Variants in TRIP12 observed in about 807,000 individuals in gnomAD.
The protein encoded by TRIP12 is thyroid hormone receptor interactor 12, also known as E3 ubiquitin-protein ligase TRIP12.
In TRIP12, 25 loss-of-function variants were observed where a neutral mutation model predicts 244.2. The ratio of observed to expected loss-of-function variants is 0.10; its 90% confidence interval spans 0.07 to 0.14. The LOEUF is 0.14. Among genes scored for constraint, TRIP12 ranks in the 10% least tolerant of loss-of-function variants. The pLI is 1.00. For missense variants in TRIP12, 1,677 were observed against 2,486.4 expected (o/e 0.67, Z 6.92); for synonymous variants, 905 against 873.1 (o/e 1.04, Z -0.64).
At chr2:229,810,615 C>T (rs1349476769) in intron 15 of TRIP12, among the ~76,000 whole-genome samples, 1 of 152,162 alleles carries the variant, frequency 6.6e-6, no homozygotes, top group Non-Finnish European at 1.5e-5. Context: ...GGTTACATGA[C>T]TAACATGGCA....
chr2:229,920,520 A>T (rs2076303348), intron 1 of TRIP12, among the ~76,000 whole-genome samples: 1 of 151,720 alleles, frequency 6.6e-6, no homozygotes, highest in South Asian at 2.1e-4. Flanking sequence ...TCCCCCAATT[A>T]ACTAAAGAAG....
rs923481504 is a variant in TRIP12, at chr2:229,804,057, T to C, written c.2821A>G (p.Ile941Val). The change falls in exon 19 of 42, where the codon ATT becomes GTT. Residue 941 changes from isoleucine (I) to valine (V), a missense_variant. Ile to Val is a conservative substitution (Grantham distance 29). This residue lies in a region of TRIP12 where 572 missense variants were observed against 867.8 expected (regional missense o/e 0.66). Coordinates refer to ENST00000675903, the MANE Select transcript of TRIP12 (RefSeq NM_001348323.3). ...AGAAGTTCAGCATCCGCAAAATAAA[T>C]TATCCTAAGAATTGCTCTAAGGCAC... is the stretch of plus-strand genomic sequence containing the variant. ...HKCLRAILRI[I>V]YFADAELLKD... The C allele has an allele frequency of 4.3e-6, 7 of 1,613,954 alleles. No individual in the cohort carries two copies. The highest frequency in any genetic ancestry group is 5.1e-6 in the Non-Finnish European group (6 of 1,179,986).
intron 11 of TRIP12, 103 bp from the exon 12 acceptor site, chr2:229,814,428 C>CT (rs1393495607): frequency 4.5e-5 from 49 of 1,098,956 alleles, no homozygotes; most frequent in Admixed American, 3.4e-4. Flanking sequence ...TATACTATCT[C>CT]TAACATGTAA....
intron 2 of TRIP12, among the ~76,000 whole-genome samples, chr2:229,861,479 T>C (rs1014612285): frequency 6.6e-6 from 1 of 152,158 alleles, no homozygotes; most frequent in African/African-American, 2.4e-5. Flanking sequence ...TAAGAGCATA[T>C]ACCAATGAAA....
intron 39 of TRIP12, 148 bp downstream of exon 39, chr2:229,771,371 T>C (rs555664759): frequency 3.4e-4 from 200 of 595,874 alleles, no homozygotes; most frequent in Non-Finnish European, 4.6e-4. Flanking sequence ...CTCAGGCAAT[T>C]TCCTTGTCTT....
Position 229,807,776 on chromosome 2 carries a change from T to C in TRIP12, c.2428A>G (p.Ile810Val), listed in dbSNP as rs934780847. The C allele has an allele frequency of 3.1e-6, 5 of 1,614,170 alleles. No homozygotes were observed. The Admixed American group carries it at 8.3e-5, about 27-fold the overall frequency. ...KGNAQNTDGA[I>V]WQWRDDRGLW... ...CCCCGATCATCACGCCACTGCCATA[T>C]CGCACCATCTGTGTTCTGTGCATTT... Residue 810 changes from isoleucine (I) to valine (V), a missense_variant, in exon 17 of 42, where the codon ATA (isoleucine) becomes GTA (valine). Physicochemically the swap from Ile to Val is conservative, Grantham distance 29 (BLOSUM62 3). This residue lies in a region of TRIP12 where 572 missense variants were observed against 867.8 expected (regional missense o/e 0.66). Coordinates refer to ENST00000675903, the MANE Select transcript of TRIP12 (RefSeq NM_001348323.3).
chr2:229,875,803 A>C (rs1189757799), intron 2 of TRIP12, among the ~76,000 whole-genome samples: 1 of 152,218 alleles, frequency 6.6e-6, no homozygotes, highest in Admixed American at 6.5e-5. Context: ...CAGGAAACGA[A>C]GGCTACAATG....
Position 229,775,797 on chromosome 2 carries a change from T to C in TRIP12, c.5529+1518A>G, listed in dbSNP as rs1171601240. Among the ~76,000 whole-genome samples, 4 of 151,984 alleles carry C rather than the reference T, an allele frequency of 2.6e-5. No homozygotes were observed. In the South Asian group the frequency reaches 8.3e-4, roughly 32 times the overall value. The stretch of plus-strand genomic sequence containing the variant: ...TGCCCCCATCTGTATATATACTTTA[T>C]TAAAGAAACAGGATGTGGTTTTTCA... On this transcript the variant is annotated intron_variant, in intron 37 of 41. Coordinates refer to ENST00000675903, the MANE Select transcript of TRIP12 (RefSeq NM_001348323.3).
intron 1 of TRIP12, among the ~76,000 whole-genome samples, chr2:229,902,827 G>A (rs1353825790): frequency 1.3e-5 from 2 of 152,140 alleles, no homozygotes; most frequent in Non-Finnish European, 2.9e-5. Context: ...AATAGAGCAT[G>A]CATAATCATT....
At chr2:229,806,931 T>C (rs1001425767) in intron 17 of TRIP12, among the ~76,000 whole-genome samples, 3 of 152,226 alleles carry the variant, frequency 2.0e-5, no homozygotes, top group African/African-American at 7.2e-5. Flanking sequence ...GTCTCATGTA[T>C]TGAAAATAGT....
intron 9 of TRIP12, among the ~76,000 whole-genome samples, chr2:229,816,562 TA>T: frequency 6.6e-6 from 1 of 152,256 alleles, no homozygotes; most frequent in South Asian, 2.1e-4. Context: ...TCAACTGTGA[TA>T]AAAGATATAT....
intron 1 of TRIP12, among the ~76,000 whole-genome samples, chr2:229,888,128 C>G (rs186358996): frequency 1.3e-5 from 2 of 152,274 alleles, no homozygotes; most frequent in Admixed American, 6.5e-5. Context: ...ATGCTTTTAA[C>G]TTTAGAAAAT....
Position 229,808,362 on chromosome 2 carries a change from T to C in TRIP12, c.2229A>G (p.Ala743=), listed in dbSNP as rs1245564719. 8.1e-6 allele frequency: 13 copies of C among 1,610,922 alleles called. No homozygotes were observed. The Admixed American group carries it at 2.0e-4, about 25-fold the overall frequency. ...LAVQLMKQNI[A]ETLHFLLCGA... The stretch of plus-strand genomic sequence containing the variant: ...CACACAGGAGAAAGTGAAGCGTTTC[T>C]GCAATGTCTGTAAAAACCAACAACA... The change falls in exon 16 of 42, where the codon GCA becomes GCG. Residue 743 remains alanine (A), a synonymous_variant. Transcript: ENST00000675903.
At chr2:229,889,911 T>TTA (rs1426056479) in intron 1 of TRIP12, among the ~76,000 whole-genome samples, 1 of 152,160 alleles carries the variant, frequency 6.6e-6, no homozygotes, top group East Asian at 1.9e-4. Context: ...ACCCTGTAGA[T>TTA]TACAGCAAAG....
rs200227486 is a variant in TRIP12, at chr2:229,859,562, T to A, written c.237A>T (p.Ser79=). ...GTTGTGGAACTATCACAGCAGATGA[T>A]GAACTGCAGCTTCTAAGAGGTTAGA... is the stretch of plus-strand genomic sequence containing the variant. ...RGHLSKRSCS[S]SSAVIVPQPE... is the part of the protein sequence containing the mutation. The change falls in exon 4 of 42, where the codon TCA becomes TCT. Residue 79 remains serine (S), a synonymous_variant. Coordinates refer to ENST00000675903, the MANE Select transcript of TRIP12 (RefSeq NM_001348323.3). 5 of 1,611,896 alleles carry A rather than the reference T, an allele frequency of 3.1e-6. No individual in the cohort carries two copies. The highest frequency in any genetic ancestry group is 4.2e-6 in the Non-Finnish European group (5 of 1,178,810).
chr2:229,856,096 A>G (rs372790738), intron 4 of TRIP12, among the ~76,000 whole-genome samples: 1 of 151,874 alleles, frequency 6.6e-6, no homozygotes, highest in Non-Finnish European at 1.5e-5. Flanking sequence ...AAGAATATGT[A>G]ACTGCATATG....
chr2:229,805,741 T>C lies in TRIP12; in HGVS notation c.2639A>G (p.Asn880Ser), dbSNP rs201776333. Reference sequence around the variant, plus strand: ...CAGAATGTACTTACTAGTGTTACTATTGGCTAACGGGTTAGGTTTTCTCTG... The same window carrying C: ...CAGAATGTACTTACTAGTGTTACTACTGGCTAACGGGTTAGGTTTTCTCTG... ...AIQRKPNPLANSNTSGYSESK... is the reference protein window; with the variant it reads ...AIQRKPNPLASSNTSGYSESK... Residue 880 changes from asparagine (N) to serine (S), a missense_variant, in exon 18 of 42, where the codon AAT becomes AGT. Coordinates refer to ENST00000675903, the MANE Select transcript of TRIP12 (RefSeq NM_001348323.3). The C allele has an allele frequency of 1.6e-5, 25 of 1,595,284 alleles. No homozygotes were observed. Among genetic ancestry groups the C allele is most frequent in the Non-Finnish European group, 1.9e-5 (22 of 1,165,378 alleles).
intron 32 of TRIP12, among the ~76,000 whole-genome samples, chr2:229,788,158 CAAGT>C (rs1270608829): frequency 1.3e-5 from 2 of 152,128 alleles, no homozygotes; most frequent in African/African-American, 4.8e-5. Context: ...TCTAAGTGAT[CAAGT>C]AATAGTGCAT....
intron 25 of TRIP12, among the ~76,000 whole-genome samples, chr2:229,795,597 A>C (rs977612879): frequency 3.3e-5 from 5 of 152,342 alleles, no homozygotes; most frequent in Middle Eastern, 3.4e-3. Context: ...AATCTGATCC[A>C]AACAGACATA....
Sources: allele counts gnomAD v4.1 joint callset (sites outside exome capture counted in the v4.1 genomes callset), GRCh38; gene constraint gnomAD v4.1.1; regional missense constraint gnomAD v4.1.1; transcripts MANE v1.5; gene names NCBI Gene and HGNC (gene_info 2026-07-23, HGNC 2026-07-21).